Variants in C11orf65 observed in about 807,000 individuals in gnomAD.
C11orf65 encodes the protein chromosome 11 open reading frame 65, also known as protein MFI.
A neutral mutation model predicts 35.3 loss-of-function variants in C11orf65; 38 were observed. The observed-to-expected ratio is 1.08, with a 90% CI of 0.83 to 1.41. C11orf65 has a LOEUF of 1.41. C11orf65 is among the 40% of genes most tolerant of loss of function. The pLI is 0.00. For missense variants in C11orf65, 370 were observed against 367.1 expected (o/e 1.01, Z -0.06); for synonymous variants, 105 against 114.4 (o/e 0.92, Z 0.53).
chr11:108,337,857 T>C (rs2136760687), intron 2 of C11orf65, among the ~76,000 whole-genome samples: 1 of 152,354 alleles, frequency 6.6e-6, no homozygotes, highest in South Asian at 2.1e-4. Flanking sequence ...GAGCACCTCC[T>C]GAACTCTCAG....
At chr11:108,434,955 T>C (rs949106717) in intron 2 of C11orf65, among the ~76,000 whole-genome samples, 1 of 152,210 alleles carries the variant, frequency 6.6e-6, no homozygotes, top group South Asian at 2.1e-4. Flanking sequence ...CCTGATAGAA[T>C]AGTGGAATGG....
chr11:108,400,509 T>C (rs2092419957), intron 6 of C11orf65, among the ~76,000 whole-genome samples: 1 of 152,132 alleles, frequency 6.6e-6, no homozygotes, highest in Non-Finnish European at 1.5e-5. Context: ...GGGAACAACA[T>C]GTAAAAACAC....
chr11:108,328,180 A>G (rs968166718), downstream of C11orf65, among the ~76,000 whole-genome samples: 2 of 152,152 alleles, frequency 1.3e-5, no homozygotes, highest in Non-Finnish European at 2.9e-5. Context: ...CTTTAGATTC[A>G]CTAATTTTGG....
rs2136569929 is a variant in C11orf65, at chr11:108,332,858, A to G, written c.300-1291T>C. 6.2e-7 allele frequency: 1 copy of G among 1,613,266 alleles called. No individual in the cohort carries two copies. The highest frequency in any genetic ancestry group is 1.7e-5 in the Admixed American group (1 of 60,018). On this transcript the variant is annotated intron_variant, in intron 3 of 3. Coordinates refer to the C11orf65 transcript ENST00000524755. ...TGAGGCACTTTGTGATGCTTATATT[A>G]TATTAGCAAACTTAGATGCCACTCA...
At chr11:108,399,793 C>G (rs1018492611) in intron 6 of C11orf65, among the ~76,000 whole-genome samples, 2 of 152,188 alleles carry the variant, frequency 1.3e-5, no homozygotes, top group African/African-American at 4.8e-5. Context: ...AATCCCAGGT[C>G]AGTCCATGAT....
Position 108,385,986 on chromosome 11 carries a change from T to C in C11orf65, c.732-11A>G, listed in dbSNP as rs200638990. On this transcript the variant is annotated splice_polypyrimidine_tract_variant and intron_variant, in intron 7 of 8. Coordinates refer to ENST00000393084, the MANE Select transcript of C11orf65 (RefSeq NM_152587.5). ...CAGCTGGCAATGTACCTAAGCACAT[T>C]ATATGAGGATTCATTAAATTTAATC... 55 of 1,607,780 alleles carry C rather than the reference T, an allele frequency of 3.4e-5. No homozygotes were observed. Among genetic ancestry groups the C allele is most frequent in the Non-Finnish European group, 6.0e-6 (7 of 1,175,974 alleles).
chr11:108,449,923 C>T (rs1208597449), intron 2 of C11orf65, among the ~76,000 whole-genome samples: 2 of 151,772 alleles, frequency 1.3e-5, no homozygotes, highest in Non-Finnish European at 2.9e-5. Context: ...CTACAATGAA[C>T]TCAAACAAAT....
At chr11:108,341,009 TTTCCTG>T (rs750611320) in intron 2 of C11orf65, among the ~76,000 whole-genome samples, 13 of 152,106 alleles carry the variant, frequency 8.5e-5, no homozygotes, top group South Asian at 2.1e-4. Flanking sequence ...TGTATTCCAT[TTTCCTG>T]TTCAGAACCC....
At chr11:108,416,057 T>A (rs912448671) in intron 3 of C11orf65, among the ~76,000 whole-genome samples, 5 of 152,118 alleles carry the variant, frequency 3.3e-5, no homozygotes, top group African/African-American at 1.2e-4. Flanking sequence ...TGAGCTTGGG[T>A]TTGGTGATGA....
At chr11:108,311,608 G>C (rs1159159472) in intron 6 of C11orf65, among the ~76,000 whole-genome samples, 1 of 152,072 alleles carries the variant, frequency 6.6e-6, no homozygotes, top group Non-Finnish European at 1.5e-5. Flanking sequence ...TGAGGGAGGA[G>C]GATCGCTTGA....
chr11:108,353,969 T>C (rs1048371326), intron 2 of C11orf65: 191 of 1,316,018 alleles, frequency 1.5e-4, no homozygotes, highest in Middle Eastern at 3.6e-4. Context: ...TAATCCCAGC[T>C]GCTCAAGAGG....
intron 2 of C11orf65, among the ~76,000 whole-genome samples, chr11:108,457,342 A>G (rs1437370224): frequency 6.6e-6 from 1 of 152,102 alleles, no homozygotes; most frequent in Non-Finnish European, 1.5e-5. Flanking sequence ...GAAGATCTAC[A>G]ATAAAAATAG....
chr11:108,394,600 T>C (rs2092260184), intron 6 of C11orf65, among the ~76,000 whole-genome samples: 1 of 152,204 alleles, frequency 6.6e-6, no homozygotes, highest in Non-Finnish European at 1.5e-5. Flanking sequence ...CTTACCAAGA[T>C]CATCAAAACT....
intron 1 of C11orf65, among the ~76,000 whole-genome samples, chr11:108,463,871 T>C (rs2093500879): frequency 6.6e-6 from 1 of 152,108 alleles, no homozygotes; most frequent in South Asian, 2.1e-4. Flanking sequence ...TACAAATAAC[T>C]GTTAGCACAA....
intron 2 of C11orf65, among the ~76,000 whole-genome samples, chr11:108,441,403 T>C (rs896255354): frequency 6.6e-6 from 1 of 152,326 alleles, no homozygotes; most frequent in East Asian, 1.9e-4. Context: ...GGGCAGGGCA[T>C]AGCTGAACAA....
At chr11:108,378,244 C>T (rs1400964900), downstream of C11orf65, among the ~76,000 whole-genome samples, 10 of 150,468 alleles carry the variant, frequency 6.6e-5, no homozygotes, top group African/African-American at 2.2e-4. Context: ...TACAAGGCTA[C>T]AGTAACCAAA....
intron 7 of C11orf65, among the ~76,000 whole-genome samples, chr11:108,392,719 G>A (rs1396007363): frequency 6.6e-6 from 1 of 152,084 alleles, no homozygotes; most frequent in Admixed American, 6.6e-5. Flanking sequence ...GTGTGAAGTG[G>A]TATCTCATTA....
chr11:108,346,006 G>C, intron 2 of C11orf65: 3 of 1,401,566 alleles, frequency 2.1e-6, no homozygotes, highest in Non-Finnish European at 3.0e-6. Flanking sequence ...GAGTTGCAGG[G>C]GGATGATAGT....
At chr11:108,448,903 A>G (rs1391090434) in intron 2 of C11orf65, among the ~76,000 whole-genome samples, 5 of 152,194 alleles carry the variant, frequency 3.3e-5, no homozygotes, top group Non-Finnish European at 7.3e-5. Flanking sequence ...TCAGCCCAAA[A>G]TCTCCTTAAG....
Sources: allele counts gnomAD v4.1 joint callset (sites outside exome capture counted in the v4.1 genomes callset), GRCh38; gene constraint gnomAD v4.1.1; transcripts MANE v1.5; gene names NCBI Gene and HGNC (gene_info 2026-07-23, HGNC 2026-07-21).